GPD1L: variants seen among roughly 807,000 people sequenced by gnomAD.
GPD1L encodes the protein glycerol-3-phosphate dehydrogenase 1-like protein.
A neutral mutation model predicts 32.9 loss-of-function variants in GPD1L; 17 were observed. The observed-to-expected ratio is 0.52, with a 90% CI of 0.35 to 0.78. GPD1L has a LOEUF of 0.78. GPD1L is among the 30% of genes least tolerant of loss of function. The pLI, the probability that GPD1L is intolerant of heterozygous loss-of-function variation, is 0.01. For missense variants in GPD1L, 361 were observed against 447.8 expected (o/e 0.81, Z 1.75); for synonymous variants, 187 against 165.9 (o/e 1.13, Z -0.98).
At chr3:32,122,180 G>A (rs902852965) in intron 1 of GPD1L, among the ~76,000 whole-genome samples, 2 of 151,490 alleles carry the variant, frequency 1.3e-5, no homozygotes, top group Non-Finnish European at 2.9e-5. Context: ...TGTGTCCCTT[G>A]CACCCAGCAT....
intron 4 of GPD1L, among the ~76,000 whole-genome samples, 184 bp downstream of exon 4, chr3:32,140,550 A>G (rs1040054672): frequency 1.3e-5 from 2 of 152,222 alleles, no homozygotes; most frequent in African/African-American, 2.4e-5. Context: ...AAGTGTTTCA[A>G]CAACCTCCAG....
intron 2 of GPD1L, among the ~76,000 whole-genome samples, chr3:32,136,440 T>G (rs540930325): frequency 4.6e-5 from 7 of 152,100 alleles, no homozygotes; most frequent in Non-Finnish European, 1.0e-4. Context: ...TCCACCCAAA[T>G]GGCATGGATA....
chr3:32,164,334 A>T (rs1701115351), intron 7 of GPD1L, among the ~76,000 whole-genome samples: 1 of 152,236 alleles, frequency 6.6e-6, no homozygotes, highest in Admixed American at 6.5e-5. Context: ...ATCCACAGGA[A>T]TTTATTCAAC....
In GPD1L at chr3:32,159,062, G is replaced by T; in HGVS notation, c.805G>T (p.Gly269Ter). The change falls in exon 6 of 8, where the codon GGA (glycine) becomes TGA (stop). Residue 269 changes from glycine to a stop codon, truncating the protein, a stop_gained. Transcript: ENST00000282541. LOFTEE classifies it high-confidence loss of function. ...GGCCGACCTGATCACCACCTGTTACGGAGGGCGGAACCGCAGGGTGGCCGA... is the reference window on the plus strand; with the variant it reads ...GGCCGACCTGATCACCACCTGTTACTGAGGGCGGAACCGCAGGGTGGCCGA... ...GVADLITTCY[G>*]GRNRRVAEAF... The T allele has an allele frequency of 6.2e-7, 1 of 1,613,788 alleles. No homozygotes were observed. Among genetic ancestry groups the T allele is most frequent in the Non-Finnish European group, 8.5e-7 (1 of 1,180,032 alleles).
intron 5 of GPD1L, among the ~76,000 whole-genome samples, chr3:32,156,097 G>A (rs1414146934): frequency 6.6e-6 from 1 of 152,076 alleles, no homozygotes; most frequent in African/African-American, 2.4e-5. Context: ...CAGAGCTGCA[G>A]AACTAGATCG....
intron 1 of GPD1L, among the ~76,000 whole-genome samples, chr3:32,123,615 T>C (rs1008261428): frequency 6.6e-6 from 1 of 152,060 alleles, no homozygotes; most frequent in African/African-American, 2.4e-5. Flanking sequence ...GAGCTGAGCC[T>C]GATGTGGAGG....
intron 1 of GPD1L, among the ~76,000 whole-genome samples, chr3:32,122,765 C>T (rs1403525941): frequency 6.6e-6 from 1 of 152,198 alleles, no homozygotes; most frequent in African/African-American, 2.4e-5. Context: ...ATGACTGAGT[C>T]TCATGCATCT....
At chr3:32,112,712 C>T (rs1458789086) in intron 1 of GPD1L, among the ~76,000 whole-genome samples, 1 of 152,102 alleles carries the variant, frequency 6.6e-6, no homozygotes, top group Non-Finnish European at 1.5e-5. Context: ...TTACCTTAAC[C>T]TTTCATTTCT....
At chr3:32,124,808 T>A (rs1700483640) in intron 1 of GPD1L, among the ~76,000 whole-genome samples, 1 of 152,012 alleles carries the variant, frequency 6.6e-6, no homozygotes, top group Admixed American at 6.6e-5. Context: ...ACACATGTAG[T>A]CCAGCTACTC....
intron 1 of GPD1L, among the ~76,000 whole-genome samples, chr3:32,125,326 TA>T (rs1237832719): frequency 1.3e-5 from 2 of 152,228 alleles, no homozygotes; most frequent in Non-Finnish European, 2.9e-5. Flanking sequence ...CTGCTTAAAA[TA>T]ACAAGCATTT....
intron 2 of GPD1L, 39 bp from the exon 3 acceptor site, chr3:32,138,548 A>G (rs774085519): frequency 5.6e-6 from 9 of 1,608,036 alleles, no homozygotes; most frequent in Admixed American, 1.7e-5. Flanking sequence ...AAGGTTTGAT[A>G]TAAGAGGAGA....
chr3:32,117,285 G>T (rs1575107714), intron 1 of GPD1L, among the ~76,000 whole-genome samples: 1 of 152,146 alleles, frequency 6.6e-6, no homozygotes, highest in African/African-American at 2.4e-5. Context: ...ATATATGTTG[G>T]TGGAAGCCAG....
At chr3:32,110,180 A>G (rs1238893331) in intron 1 of GPD1L, among the ~76,000 whole-genome samples, 1 of 152,212 alleles carries the variant, frequency 6.6e-6, no homozygotes, top group Admixed American at 6.5e-5. Flanking sequence ...GGCCTCCCAA[A>G]GTGCTGGGAT....
Position 32,138,759 on chromosome 3 carries a change from C to T in GPD1L, c.366+32C>T. The T allele has an allele frequency of 2.5e-6, 4 of 1,609,514 alleles. No homozygotes were observed. In the South Asian group the frequency reaches 4.4e-5, roughly 18 times the overall value. On this transcript the variant is annotated intron_variant, in intron 3 of 7. Coordinates refer to ENST00000282541, the MANE Select transcript of GPD1L (RefSeq NM_015141.4). ...CGAGTGCATGCTGCCCAGGGCTAGACATTGGTTATCAGGAAATTTCATTTC... is the reference window on the plus strand; with the variant it reads ...CGAGTGCATGCTGCCCAGGGCTAGATATTGGTTATCAGGAAATTTCATTTC...
chr3:32,157,277 G>A (rs1169404416), intron 5 of GPD1L, among the ~76,000 whole-genome samples: 1 of 149,766 alleles, frequency 6.7e-6, no homozygotes, highest in South Asian at 2.1e-4. Flanking sequence ...ACAGAGTCTC[G>A]CTCTCGCCCA....
At chr3:32,131,712 A>G (rs1700589637) in intron 2 of GPD1L, among the ~76,000 whole-genome samples, 3 of 152,226 alleles carry the variant, frequency 2.0e-5, no homozygotes, top group Admixed American at 2.0e-4. Flanking sequence ...ACCTTTATGT[A>G]CAATGTGAAC....
At chr3:32,146,093 T>C (rs1170698619) in intron 4 of GPD1L, among the ~76,000 whole-genome samples, 3 of 148,062 alleles carry the variant, frequency 2.0e-5, no homozygotes, top group Non-Finnish European at 4.5e-5. Context: ...CTTTTTTTTT[T>C]TTTTTTTTTT....
intron 5 of GPD1L, chr3:32,158,580 C>G (rs1285144150): frequency 1.8e-6 from 1 of 549,418 alleles, no homozygotes; most frequent in Non-Finnish European, 3.2e-6. Context: ...GTAGTTTGTC[C>G]AAACATTATT....
At chr3:32,117,356 G>A (rs146838976) in intron 1 of GPD1L, among the ~76,000 whole-genome samples, 75 of 152,304 alleles carry the variant, frequency 4.9e-4, no homozygotes, top group African/African-American at 1.8e-3. Flanking sequence ...TTTGTAATAA[G>A]CAAGTATGAG....
Sources: gnomAD v4.1 joint callset for allele counts (sites outside exome capture counted in the v4.1 genomes callset) on GRCh38, gnomAD v4.1.1 for gene constraint, MANE v1.5 for transcripts, NCBI Gene and HGNC (gene_info 2026-07-23, HGNC 2026-07-21) for gene names.